The following JOSD1 variants were observed in gnomAD, a reference collection of about 807,000 sequenced individuals.
JOSD1 encodes the protein josephin-1.
JOSD1 carries 11 observed loss-of-function variants against 24.3 expected under a neutral mutation model. The ratio of observed to expected loss-of-function variants is 0.45; its 90% CI spans 0.29 to 0.75. JOSD1 has a LOEUF of 0.75. Ranked by LOEUF, JOSD1 falls within the 30% of genes least tolerant of loss-of-function variation. The pLI is 0.11. For synonymous variants in JOSD1, 106 were observed against 93.8 expected (o/e 1.13, Z -0.75); for missense variants, 184 against 253.5 (o/e 0.73, Z 1.86).
chr22:38,700,289 T>TAA lies in JOSD1; in HGVS notation c.-303_-302insTT. On this transcript the variant is annotated 5_prime_UTR_variant, in exon 2 of 5. Transcript: ENST00000683374. Reference sequence around the variant, plus strand: ...GACCTTGTTTCCGTTTCCCCACCCTTCCCTCCCACCCCCCTCCAAAATCCC... The same window carrying TAA: ...GACCTTGTTTCCGTTTCCCCACCCTTAACCCTCCCACCCCCCTCCAAAATCCC... The TAA allele has an allele frequency of 1.1e-6, 1 of 894,454 alleles. No homozygotes were observed. The highest frequency in any genetic ancestry group is 1.4e-6 in the Non-Finnish European group (1 of 733,824). 55.4% of individuals were successfully genotyped at this position (894,454 alleles called of 1,614,324 possible). A position where few individuals can be genotyped will look rare whatever the true frequency, so the allele number is the denominator to read the frequency against.
In JOSD1 at chr22:38,700,884, G is replaced by C; in HGVS notation, c.-716C>G. The C allele has an allele frequency of 1.0e-6, 1 of 984,190 alleles. No individual in the cohort carries two copies. The highest frequency in any genetic ancestry group is 1.7e-5 in the African/African-American group (1 of 57,180). 61.0% of individuals were successfully genotyped at this position (984,190 alleles called of 1,614,324 possible). ...GACCCCAGGGCCGCCGGGACTGCTC[G>C]CCGCTGGCGGTCCCCTCACCGCAGC... is the stretch of plus-strand genomic sequence containing the variant. On this transcript the variant is annotated 5_prime_UTR_variant, in exon 1 of 5. Coordinates refer to ENST00000683374, the MANE Select transcript of JOSD1 (RefSeq NM_001360236.2).
chr22:38,688,949 G>C lies in JOSD1; in HGVS notation c.495C>G (p.Gly165=). The C allele has an allele frequency of 6.2e-7, 1 of 1,613,364 alleles. No individual in the cohort carries two copies. The highest frequency in any genetic ancestry group is 1.1e-5 in the South Asian group (1 of 91,022). ...SKLKMPEWIG[G]ESELRKFLKH... ...GTGCCGATTACCTGAGCTCGCTCTCGCCTCCAATCCACTCGGGCATCTTGA... is the reference window on the plus strand; with the variant it reads ...GTGCCGATTACCTGAGCTCGCTCTCCCCTCCAATCCACTCGGGCATCTTGA... The change falls in exon 4 of 5, where the codon GGC becomes GGG. Residue 165 remains glycine, a synonymous_variant. Coordinates refer to ENST00000683374, the MANE Select transcript of JOSD1 (RefSeq NM_001360236.2).
At chr22:38,694,506 G>T (rs1017605855) in intron 2 of JOSD1, among the ~76,000 whole-genome samples, 5 of 152,146 alleles carry the variant, frequency 3.3e-5, no homozygotes, top group Admixed American at 1.3e-4. Context: ...GCTACAAAGT[G>T]AGCCTCTCAC....
chr22:38,688,958 C>A lies in JOSD1; in HGVS notation c.486G>T (p.Trp162Cys). ...NLDSKLKMPE[W>C]IGGESELRKF... is the part of the protein sequence containing the mutation. ...ACCTGAGCTCGCTCTCGCCTCCAATCCACTCGGGCATCTTGAGTTTGGAGT... is the reference window on the plus strand; with the variant it reads ...ACCTGAGCTCGCTCTCGCCTCCAATACACTCGGGCATCTTGAGTTTGGAGT... Residue 162 changes from tryptophan (W) to cysteine (C), a missense_variant, in exon 4 of 5, where the codon TGG becomes TGT. Physicochemically the swap from Trp to Cys is radical, Grantham distance 215 (BLOSUM62 -2). Transcript: ENST00000683374. The A allele has an allele frequency of 6.2e-7, 1 of 1,614,004 alleles. No homozygotes were observed. The highest frequency in any genetic ancestry group is 8.5e-7 in the Non-Finnish European group (1 of 1,179,954).
At chr22:38,696,979 A>G (rs915424963) in intron 2 of JOSD1, among the ~76,000 whole-genome samples, 3 of 152,242 alleles carry the variant, frequency 2.0e-5, no homozygotes, top group Admixed American at 6.5e-5. Flanking sequence ...GCATAGAATT[A>G]TATCTGCTAA....
chr22:38,699,799 C>T lies in JOSD1; in HGVS notation c.185+4G>A. On this transcript the variant is annotated splice_donor_region_variant and intron_variant, in intron 2 of 4. Coordinates refer to ENST00000683374, the MANE Select transcript of JOSD1 (RefSeq NM_001360236.2). ...TCAAGATGCCAAGGAGAAGGGTCCC[C>T]TACCTCTGGAAAATCTCTTGCAGCG... is the stretch of plus-strand genomic sequence containing the variant. 2 of 1,614,026 alleles carry T rather than the reference C, an allele frequency of 1.2e-6. No individual in the cohort carries two copies. Among genetic ancestry groups the T allele is most frequent in the Non-Finnish European group, 1.7e-6 (2 of 1,179,946 alleles).
At chr22:38,700,944 C>T, upstream of JOSD1, 4 of 984,744 alleles carry the variant, frequency 4.1e-6, no homozygotes, top group African/African-American at 1.7e-5. Context: ...GCCAACTGGG[C>T]CGTGCGGGCG....
intron 4 of JOSD1, among the ~76,000 whole-genome samples, 170 bp downstream of exon 4, chr22:38,688,765 C>A (rs915869140): frequency 6.6e-6 from 1 of 152,140 alleles, no homozygotes; most frequent in Non-Finnish European, 1.5e-5. Context: ...AGTACTGATG[C>A]GCCATTGAAG....
chr22:38,689,284 G>C lies in JOSD1; in HGVS notation c.314+12C>G. 1 of 1,614,220 alleles carries C rather than the reference G, an allele frequency of 6.2e-7. No homozygotes were observed. The highest frequency in any genetic ancestry group is 1.3e-5 in the African/African-American group (1 of 75,066). Reference sequence around the variant, plus strand: ...TGCTGTTCTCCATCAAGTCAAGCCTGATTCAGATTACCTGCGCTTGTCCCA... The same window carrying C: ...TGCTGTTCTCCATCAAGTCAAGCCTCATTCAGATTACCTGCGCTTGTCCCA... On this transcript the variant is annotated intron_variant, in intron 3 of 4. Transcript: ENST00000683374.
intron 2 of JOSD1, among the ~76,000 whole-genome samples, chr22:38,693,650 G>C (rs1010854521): frequency 6.6e-6 from 1 of 152,050 alleles, no homozygotes; most frequent in Non-Finnish European, 1.5e-5. Context: ...TATGATTGTG[G>C]CTCACTGTAG....
intron 2 of JOSD1, among the ~76,000 whole-genome samples, chr22:38,692,919 T>A (rs776213995): frequency 6.6e-6 from 1 of 152,056 alleles, no homozygotes; most frequent in Non-Finnish European, 1.5e-5. Context: ...AGTACATGAA[T>A]GAAGGCTCCA....
upstream of JOSD1, chr22:38,701,111 G>C (rs2092568842): frequency 2.4e-6 from 1 of 415,194 alleles, no homozygotes; most frequent in Non-Finnish European, 3.2e-6. Flanking sequence ...CGCCGGGCGT[G>C]TAGGGGCGCA....
In JOSD1 at chr22:38,700,442, G is replaced by C. The variant is rs543808490; in HGVS notation, c.-455C>G. 2.0e-6 allele frequency: 2 copies of C among 987,024 alleles called. No homozygotes were observed. Among genetic ancestry groups the C allele is most frequent in the Non-Finnish European group, 2.4e-6 (2 of 830,928 alleles). 61.1% of individuals were successfully genotyped at this position (987,024 alleles called of 1,614,324 possible). On this transcript the variant is annotated 5_prime_UTR_variant, in exon 2 of 5. Transcript: ENST00000683374. ...ACGACGCCAATGACTCGGGAGACAA[G>C]GCCTGGGTGACGGATAAATTTAGCG...
chr22:38,696,211 T>C (rs1363791887), intron 2 of JOSD1, among the ~76,000 whole-genome samples: 2 of 151,892 alleles, frequency 1.3e-5, no homozygotes, highest in Non-Finnish European at 2.9e-5. Context: ...TTGATTTCTA[T>C]GACCCTTTTT....
chr22:38,698,494 T>G (rs1262526617), intron 2 of JOSD1, among the ~76,000 whole-genome samples: 1 of 152,222 alleles, frequency 6.6e-6, no homozygotes, highest in Non-Finnish European at 1.5e-5. Flanking sequence ...CTGGTCCCTA[T>G]GTGGCAACAA....
At chr22:38,695,146 T>C (rs4820345) in intron 2 of JOSD1, among the ~76,000 whole-genome samples, 38,392 of 152,116 alleles carry the variant, frequency 0.25, 5,278 homozygotes, top group East Asian at 0.36. Context: ...GTCAAAGAGC[T>C]AGGCACACAT....
In JOSD1 at chr22:38,687,593, C is replaced by T. The variant is rs1479682431; in HGVS notation, c.*309G>A. On this transcript the variant is annotated 3_prime_UTR_variant, in exon 5 of 5. Transcript: ENST00000683374. The stretch of plus-strand genomic sequence containing the variant: ...CAACTCAGCAGAACCTGTGTCAAGT[C>T]CTCATAGAAAAGGGAAAATAAGCTA... 1 of 335,634 alleles carries T rather than the reference C, an allele frequency of 3.0e-6. No individual in the cohort carries two copies. The highest frequency in any genetic ancestry group is 5.4e-6 in the Non-Finnish European group (1 of 183,772). 20.8% of individuals were successfully genotyped at this position (335,634 alleles called of 1,614,324 possible). A position where few individuals can be genotyped will look rare whatever the true frequency, so the allele number is the denominator to read the frequency against.
chr22:38,700,837 TCCCGCCGCGCCC>T lies in JOSD1; in HGVS notation c.-681_-670del, dbSNP rs1232725038. 2.1e-5 allele frequency: 21 copies of T among 984,066 alleles called. No homozygotes were observed. The highest frequency in any genetic ancestry group is 2.5e-5 in the Non-Finnish European group (21 of 829,472). The allele number at this position is 984,066 out of a possible 1,614,324, so 61.0% of individuals were successfully genotyped here. ...CACGTGAGCGCAGGCCCAGACGCCC[TCCCGCCGCGCCC>T]CCGGCCGCAGACCCCAGGGCCGCCG... is the stretch of plus-strand genomic sequence containing the variant. On this transcript the variant is annotated 5_prime_UTR_variant, in exon 1 of 5. Coordinates refer to ENST00000683374, the MANE Select transcript of JOSD1 (RefSeq NM_001360236.2).
intron 2 of JOSD1, among the ~76,000 whole-genome samples, chr22:38,690,894 G>A (rs529013215): frequency 1.1e-4 from 16 of 152,120 alleles, no homozygotes; most frequent in Admixed American, 2.0e-4. Flanking sequence ...GGTGGTGCAC[G>A]CCTGTAGTCT....
Sources: gnomAD v4.1 joint callset for allele counts (sites outside exome capture counted in the v4.1 genomes callset) on GRCh38, gnomAD v4.1.1 for gene constraint, MANE v1.5 for transcripts, NCBI Gene and HGNC (gene_info 2026-07-23, HGNC 2026-07-21) for gene names.